The following ZFHX4 variants were observed in gnomAD, a reference collection of about 807,000 sequenced individuals.
The protein encoded by ZFHX4 is zinc finger homeobox protein 4.
A neutral mutation model predicts 267.6 loss-of-function variants in ZFHX4; 56 were observed. That is an observed-to-expected ratio of 0.21 (90% CI 0.17 to 0.26). The LOEUF (loss-of-function observed/expected upper bound fraction) is 0.26. ZFHX4 is among the 10% of genes least tolerant of loss of function. The pLI, the probability that ZFHX4 is intolerant of heterozygous loss-of-function variation, is 1.00. For synonymous variants in ZFHX4, 1,778 were observed against 1,665.6 expected (o/e 1.07, Z -1.64); for missense variants, 4,332 against 4,420.0 (o/e 0.98, Z 0.56).
At position 76,778,263 on chromosome 8, in the gene ZFHX4, C is replaced by A; in HGVS notation, c.3149C>A (p.Ala1050Asp). 1 of 1,613,754 alleles carries A rather than the reference C, an allele frequency of 6.2e-7. No homozygotes were observed. The highest frequency in any genetic ancestry group is 2.2e-5 in the East Asian group (1 of 44,868). Residue 1050 changes from alanine to aspartate, a missense_variant, in exon 4 of 11, where the codon GCC (alanine) becomes GAC (aspartate). Coordinates refer to ENST00000651372, the MANE Select transcript of ZFHX4 (RefSeq NM_024721.5). The part of the protein sequence containing the change: ...VNPESCYYYC[A>D]VCDYTTKVKL... ...CCCGAATCCTGCTATTACTACTGTGCCGTGTGTGATTACACCACCAAGGTC... is the reference window on the plus strand; with the variant it reads ...CCCGAATCCTGCTATTACTACTGTGACGTGTGTGATTACACCACCAAGGTC...
At chr8:76,730,188 C>A (rs1808965756) in intron 3 of ZFHX4, among the ~76,000 whole-genome samples, 2 of 152,036 alleles carry the variant, frequency 1.3e-5, no homozygotes, top group Non-Finnish European at 2.9e-5. Context: ...ATATTAAAAC[C>A]ATCCCCCAAA....
Position 76,854,294 on chromosome 8 carries a change from T to A in ZFHX4, c.7373T>A (p.Leu2458His). 2 of 1,606,220 alleles carry A rather than the reference T, an allele frequency of 1.2e-6. No homozygotes were observed. Among genetic ancestry groups the A allele is most frequent in the South Asian group, 1.1e-5 (1 of 90,280 alleles). Residue 2458 changes from leucine (L) to histidine (H), a missense_variant, in exon 10 of 11, where the codon CTT (leucine) becomes CAT (histidine). Transcript: ENST00000651372. Reference protein sequence around the residue: ...PQPQPPKQPQLIGRPPSASQT... With the variant: ...PQPQPPKQPQHIGRPPSASQT... ...CCACAGCCACCAAAACAACCCCAAC[T>A]TATCGGAAGACCTCCCTCGGCCTCT...
At chr8:76,809,249 A>T (rs1487910032) in intron 4 of ZFHX4, among the ~76,000 whole-genome samples, 1 of 152,158 alleles carries the variant, frequency 6.6e-6, no homozygotes, top group East Asian at 1.9e-4. Flanking sequence ...TTTATGTCCT[A>T]ATATATTGGC....
chr8:76,798,623 T>C (rs1393483942), intron 4 of ZFHX4, among the ~76,000 whole-genome samples: 3 of 152,214 alleles, frequency 2.0e-5, no homozygotes, highest in South Asian at 2.1e-4. Context: ...GTGTATTTTT[T>C]AAAATTCAAA....
intron 5 of ZFHX4, among the ~76,000 whole-genome samples, chr8:76,835,628 A>T (rs1216387010): frequency 1.3e-5 from 2 of 152,064 alleles, no homozygotes; most frequent in African/African-American, 4.8e-5. Context: ...ACTTTTTAAA[A>T]TCTTATTTTC....
intron 3 of ZFHX4, chr8:76,708,328 A>G (rs986833803): frequency 1.1e-4 from 45 of 400,732 alleles, no homozygotes; most frequent in Non-Finnish European, 1.8e-4. Flanking sequence ...GGATAGTGTT[A>G]TATATAAAAT....
At chr8:76,703,925 T>G (rs1808170719) in intron 1 of ZFHX4, 118 bp from the exon 2 acceptor site, 1 of 761,028 alleles carries the variant, frequency 1.3e-6, no homozygotes, top group Non-Finnish European at 2.1e-6. Flanking sequence ...GTTTTAAGTT[T>G]TTCCCCTTAC....
At chr8:76,687,984 A>G (rs1386306758) in intron 1 of ZFHX4, among the ~76,000 whole-genome samples, 4 of 152,178 alleles carry the variant, frequency 2.6e-5, no homozygotes, top group Non-Finnish European at 5.9e-5. Flanking sequence ...ATGTTTGTCC[A>G]AGACTTGAGA....
At chr8:76,861,391 A>G (rs1272280873) in intron 10 of ZFHX4, among the ~76,000 whole-genome samples, 1 of 152,172 alleles carries the variant, frequency 6.6e-6, no homozygotes, top group Non-Finnish European at 1.5e-5. Context: ...TTCCTTATTT[A>G]AAAATGGAAT....
At position 76,864,404 on chromosome 8, in the gene ZFHX4, G is replaced by A; in HGVS notation, c.10690G>A (p.Val3564Ile). 1 of 1,613,690 alleles carries A rather than the reference G, an allele frequency of 6.2e-7. No homozygotes were observed. The highest frequency in any genetic ancestry group is 8.5e-7 in the Non-Finnish European group (1 of 1,179,826). Residue 3564 changes from valine (V) to isoleucine (I), a missense_variant, in exon 11 of 11, where the codon GTT becomes ATT. Around this residue, in one of 7 missense-constraint regions of ZFHX4, gnomAD observed 1,648 missense variants for 1,625.0 expected, o/e 1.01. Coordinates refer to ENST00000651372, the MANE Select transcript of ZFHX4 (RefSeq NM_024721.5). ...CTCAAGTTTGTGCAGCACCTCAGGGGTTCAAACCTCACTACCCACAGAAAG... is the reference window on the plus strand; with the variant it reads ...CTCAAGTTTGTGCAGCACCTCAGGGATTCAAACCTCACTACCCACAGAAAG... ...VTSSLCSTSG[V>I]QTSLPTESCS...
intron 1 of ZFHX4, among the ~76,000 whole-genome samples, chr8:76,689,063 C>T (rs1218678232): frequency 6.6e-5 from 10 of 151,808 alleles, no homozygotes; most frequent in Admixed American, 6.6e-4. Flanking sequence ...TTACTGGAGT[C>T]CTTTTTAAAA....
At chr8:76,750,826 C>T (rs769230850) in intron 3 of ZFHX4, among the ~76,000 whole-genome samples, 47 of 152,038 alleles carry the variant, frequency 3.1e-4, no homozygotes, top group African/African-American at 8.2e-4. Context: ...TTTACTATAA[C>T]GACTCATCTA....
chr8:76,709,639 A>G (rs1400130060), intron 3 of ZFHX4, among the ~76,000 whole-genome samples: 2 of 152,138 alleles, frequency 1.3e-5, no homozygotes, highest in African/African-American at 4.8e-5. Flanking sequence ...TTAAATTAAC[A>G]TGTTGTGAAT....
At chr8:76,690,121 G>T (rs1807787599) in intron 1 of ZFHX4, among the ~76,000 whole-genome samples, 1 of 151,984 alleles carries the variant, frequency 6.6e-6, no homozygotes, top group Non-Finnish European at 1.5e-5. Flanking sequence ...TTACTGAATG[G>T]TATGCACTGT....
At chr8:76,754,473 A>C (rs1809711203) in intron 3 of ZFHX4, among the ~76,000 whole-genome samples, 1 of 149,342 alleles carries the variant, frequency 6.7e-6, no homozygotes, top group Non-Finnish European at 1.5e-5. Flanking sequence ...TGGGCAACAG[A>C]GCAAGACTCT....
At chr8:76,731,554 G>A (rs1388636063) in intron 3 of ZFHX4, among the ~76,000 whole-genome samples, 1 of 152,164 alleles carries the variant, frequency 6.6e-6, no homozygotes, top group African/African-American at 2.4e-5. Flanking sequence ...ATGGGTTTGA[G>A]TGAATAAAAG....
At chr8:76,747,674 G>A (rs538024581) in intron 3 of ZFHX4, among the ~76,000 whole-genome samples, 38 of 152,296 alleles carry the variant, frequency 2.5e-4, no homozygotes, top group African/African-American at 8.4e-4. Flanking sequence ...GCTCACGCCT[G>A]TAATCCCAGC....
At chr8:76,793,827 A>T (rs537976933) in intron 4 of ZFHX4, among the ~76,000 whole-genome samples, 1 of 152,276 alleles carries the variant, frequency 6.6e-6, no homozygotes, top group Non-Finnish European at 1.5e-5. Context: ...TGAAGAATCA[A>T]CTACACACAC....
chr8:76,841,593 C>T (rs931898617), intron 5 of ZFHX4, among the ~76,000 whole-genome samples: 4 of 152,044 alleles, frequency 2.6e-5, no homozygotes, highest in Non-Finnish European at 1.5e-5. Context: ...AAATGTGTGT[C>T]GGTGACCTTT....
Sources: allele counts gnomAD v4.1 joint callset (sites outside exome capture counted in the v4.1 genomes callset), GRCh38; gene constraint gnomAD v4.1.1; regional missense constraint gnomAD v4.1.1; transcripts MANE v1.5; gene names NCBI Gene and HGNC (gene_info 2026-07-23, HGNC 2026-07-21).